DPP6: variants seen among roughly 807,000 people sequenced by gnomAD.
DPP6 encodes the protein dipeptidyl peptidase like 6, also known as A-type potassium channel modulatory protein DPP6.
In DPP6, 69 loss-of-function variants were observed where a neutral mutation model predicts 122.6. The observed-to-expected ratio is 0.56, with a 90% CI of 0.46 to 0.69. DPP6 has a LOEUF of 0.69. Ranked by LOEUF, DPP6 falls within the 30% of genes least tolerant of loss-of-function variation. The probability of loss-of-function intolerance (pLI) is 0.00; values close to 1 mark genes in which losing one functional copy is unlikely to be tolerated. For synonymous variants in DPP6, 418 were observed against 433.1 expected, an observed-to-expected ratio of 0.97 and a Z score of 0.43; for missense variants, 928 against 1,116.9, an observed-to-expected ratio of 0.83 and a Z score of 2.41.
intron 1 of DPP6, among the ~76,000 whole-genome samples, chr7:154,226,785 T>C (rs2150841152): frequency 6.6e-6 from 1 of 152,308 alleles, no homozygotes; most frequent in East Asian, 1.9e-4. Context: ...TGGTATGTGA[T>C]CTTCAGAGTC....
chr7:154,852,701 T>C (rs1484286739), intron 16 of DPP6, among the ~76,000 whole-genome samples: 1 of 152,148 alleles, frequency 6.6e-6, no homozygotes, highest in East Asian at 1.9e-4. Flanking sequence ...CCTAGTGCAG[T>C]AGATGAGGAG....
At chr7:154,542,897 T>A (rs779737235) in intron 4 of DPP6, among the ~76,000 whole-genome samples, 3 of 152,202 alleles carry the variant, frequency 2.0e-5, no homozygotes, top group Non-Finnish European at 4.4e-5. Flanking sequence ...CCTCAATTGC[T>A]CTATCTCCAA....
At chr7:154,051,783 C>T (rs1056881384), upstream of DPP6, among the ~76,000 whole-genome samples, 5 of 150,836 alleles carry the variant, frequency 3.3e-5, no homozygotes, top group African/African-American at 4.9e-5. Context: ...GCCCCGCGAC[C>T]TTTCCTGCCC....
At chr7:153,881,765 C>A in the DPP6 span, among the ~76,000 whole-genome samples, 1 of 152,158 alleles carries the variant, frequency 6.6e-6, no homozygotes, top group Non-Finnish European at 1.5e-5. Context: ...CTCAGGCCAT[C>A]CCTCTGCAGG....
intron 17 of DPP6, chr7:154,858,612 C>T (rs1803039537): frequency 6.6e-6 from 1 of 152,400 alleles, no homozygotes; most frequent in Non-Finnish European, 1.5e-5. Flanking sequence ...GGCACCTTCT[C>T]CTGCTCTGAG....
chr7:154,667,427 A>G (rs1838233497), intron 6 of DPP6, among the ~76,000 whole-genome samples: 2 of 152,204 alleles, frequency 1.3e-5, no homozygotes, highest in South Asian at 4.1e-4. Flanking sequence ...ACTTTGAAAC[A>G]TCATAACATA....
intron 3 of DPP6, among the ~76,000 whole-genome samples, chr7:154,522,939 T>C (rs2129994312): frequency 6.6e-6 from 1 of 152,324 alleles, no homozygotes; most frequent in African/African-American, 2.4e-5. Context: ...TTCTCAATTC[T>C]ACCCTCACCC....
At chr7:153,924,180 A>G (rs1282788105) in intron 1 of DPP6, among the ~76,000 whole-genome samples, 2 of 151,324 alleles carry the variant, frequency 1.3e-5, no homozygotes, top group Non-Finnish European at 2.9e-5. Flanking sequence ...CAATGGCGCG[A>G]TCCCTGTGAT....
chr7:153,986,339 T>TA (rs201113951), intron 1 of DPP6, among the ~76,000 whole-genome samples: 1 of 152,182 alleles, frequency 6.6e-6, no homozygotes, highest in South Asian at 2.1e-4. Flanking sequence ...CTATTTTTTT[T>TA]ATGGCTTCTT....
chr7:154,119,158 A>G (rs535957091), intron 1 of DPP6, among the ~76,000 whole-genome samples: 4 of 152,244 alleles, frequency 2.6e-5, no homozygotes, highest in African/African-American at 9.6e-5. Flanking sequence ...CTCTTTCCCT[A>G]TATACATATG....
the DPP6 span, among the ~76,000 whole-genome samples, chr7:153,840,343 A>G: frequency 6.6e-6 from 1 of 152,208 alleles, no homozygotes. Context: ...AATAGAAACT[A>G]TAGAACTGAA....
chr7:154,778,768 C>CT (rs1796759889), intron 10 of DPP6, among the ~76,000 whole-genome samples: 1 of 151,434 alleles, frequency 6.6e-6, no homozygotes, highest in Non-Finnish European at 1.5e-5. Context: ...CCACCAGCTC[C>CT]ACCACCATCA....
chr7:153,875,296 A>G, the DPP6 span, among the ~76,000 whole-genome samples: 7 of 152,256 alleles, frequency 4.6e-5, no homozygotes, highest in East Asian at 3.9e-4. Context: ...ATATAAGGAC[A>G]TTTTTTTGAA....
intron 1 of DPP6, among the ~76,000 whole-genome samples, chr7:154,432,970 G>T (rs985167785): frequency 6.6e-6 from 1 of 152,046 alleles, no homozygotes. Context: ...TTCTAAACTG[G>T]TCTATGATGT....
At chr7:153,758,285 A>G in the DPP6 span, among the ~76,000 whole-genome samples, 1 of 152,218 alleles carries the variant, frequency 6.6e-6, no homozygotes, top group Non-Finnish European at 1.5e-5. Context: ...TAAAAGCAGG[A>G]CAAAAGAAGA....
At chr7:154,647,218 A>G (rs1021960565) in intron 6 of DPP6, among the ~76,000 whole-genome samples, 4 of 152,204 alleles carry the variant, frequency 2.6e-5, no homozygotes, top group African/African-American at 9.6e-5. Flanking sequence ...AGGGAACCTC[A>G]GGATGGCTTT....
At chr7:154,723,362 G>C (rs916529) in intron 7 of DPP6, among the ~76,000 whole-genome samples, 3 of 151,832 alleles carry the variant, frequency 2.0e-5, no homozygotes, top group African/African-American at 7.3e-5. Context: ...AGCAAAAAAA[G>C]AGGATTTAAT....
At position 154,115,715 on chromosome 7, in the gene DPP6, G is replaced by A. The variant is rs1468891413; in HGVS notation, c.243+62652G>A. 4.6e-5 allele frequency among the ~76,000 whole-genome samples: 7 copies of A among 152,282 alleles called. No individual in the cohort carries two copies. In the East Asian group the frequency reaches 1.2e-3, roughly 25 times the overall value. On this transcript the variant is annotated intron_variant, in intron 1 of 25. Coordinates refer to ENST00000377770, the MANE Select transcript of DPP6 (RefSeq NM_130797.4). ...AGTGTTATACAGCCTATAGGGTTTG[G>A]ATTCTTCACATTTGGTTGGTTGACT...
chr7:154,263,923 T>G (rs531497957), intron 1 of DPP6, among the ~76,000 whole-genome samples: 27 of 152,206 alleles, frequency 1.8e-4, no homozygotes, highest in Admixed American at 1.2e-3. Context: ...ACTCCCGACC[T>G]CAGGTAATCC....
Sources: allele counts gnomAD v4.1 joint callset (sites outside exome capture counted in the v4.1 genomes callset), GRCh38; gene constraint gnomAD v4.1.1; transcripts MANE v1.5; gene names NCBI Gene and HGNC (gene_info 2026-07-23, HGNC 2026-07-21).